The following FGGY variants were observed in gnomAD, a reference collection of about 807,000 sequenced individuals.
The protein encoded by FGGY is FGGY carbohydrate kinase domain containing, also known as FGGY carbohydrate kinase domain-containing protein.
In FGGY, 72 loss-of-function variants were observed where a neutral mutation model predicts 71.3. That is an observed-to-expected ratio of 1.01 (90% CI 0.84 to 1.23). The LOEUF (loss-of-function observed/expected upper bound fraction) is 1.23, where lower values mean the gene tolerates loss of function less well. Ranked by LOEUF, FGGY falls within the 50% of genes most tolerant of loss-of-function variation. The pLI is 0.00. For missense variants in FGGY, 668 were observed against 682.3 expected, an observed-to-expected ratio of 0.98 and a Z score of 0.23; for synonymous variants, 251 against 250.3, an observed-to-expected ratio of 1.00 and a Z score of -0.02.
At chr1:59,612,031 C>T (rs972506474) in intron 9 of FGGY, among the ~76,000 whole-genome samples, 1 of 152,136 alleles carries the variant, frequency 6.6e-6, no homozygotes, top group Non-Finnish European at 1.5e-5. Flanking sequence ...GATTAGTGTA[C>T]CTGAAAGTGA....
At chr1:59,317,452 T>C (rs2045651006) in intron 1 of FGGY, among the ~76,000 whole-genome samples, 1 of 152,248 alleles carries the variant, frequency 6.6e-6, no homozygotes, top group South Asian at 2.1e-4. Flanking sequence ...TGATGATCCT[T>C]ATCCTTGTTT....
chr1:59,701,198 G>GCCCCA (rs2097706794), intron 14 of FGGY, among the ~76,000 whole-genome samples: 1 of 152,126 alleles, frequency 6.6e-6, no homozygotes, highest in South Asian at 2.1e-4. Context: ...TATACCCATA[G>GCCCCA]CCCCACACAT....
chr1:59,650,945 G>C (rs551667640), intron 11 of FGGY, among the ~76,000 whole-genome samples: 1 of 151,150 alleles, frequency 6.6e-6, no homozygotes, highest in Non-Finnish European at 1.5e-5. Flanking sequence ...ATTCTGGTAC[G>C]TTGTGTCTTT....
At position 59,461,740 on chromosome 1, in the gene FGGY, A is replaced by G. The variant is rs920507056; in HGVS notation, c.670+4664A>G. On this transcript the variant is annotated intron_variant, in intron 6 of 15. Transcript: ENST00000303721. Reference sequence around the variant, plus strand: ...TCTCTCAGCAGAAACTCTACCAGCCAGAAGAGAGTGGAGGCCAATATTCAA... The same window carrying G: ...TCTCTCAGCAGAAACTCTACCAGCCGGAAGAGAGTGGAGGCCAATATTCAA... 2.6e-5 allele frequency among the ~76,000 whole-genome samples: 4 copies of G among 152,188 alleles called. No individual in the cohort carries two copies. In the South Asian group the frequency reaches 8.3e-4, roughly 32 times the overall value.
intron 8 of FGGY, among the ~76,000 whole-genome samples, chr1:59,560,612 C>G (rs1248754045): frequency 6.6e-6 from 1 of 152,048 alleles, no homozygotes; most frequent in Non-Finnish European, 1.5e-5. Flanking sequence ...TATTCATTAA[C>G]TATTCACTCA....
chr1:59,622,880 G>A (rs1180402434), intron 9 of FGGY, among the ~76,000 whole-genome samples: 2 of 152,134 alleles, frequency 1.3e-5, no homozygotes, highest in Admixed American at 1.3e-4. Flanking sequence ...TTTCTACCTG[G>A]TTTTGGCCAC....
chr1:59,660,484 C>G (rs1396364855), intron 12 of FGGY, 191 bp downstream of exon 12: 1 of 421,872 alleles, frequency 2.4e-6, no homozygotes, highest in Non-Finnish European at 4.2e-6. Flanking sequence ...AACTAATAAC[C>G]TCACATAACA....
chr1:59,367,514 G>A (rs1003181485), intron 4 of FGGY, among the ~76,000 whole-genome samples: 2 of 152,350 alleles, frequency 1.3e-5, no homozygotes, highest in African/African-American at 4.8e-5. Context: ...TTAGGGAGCT[G>A]TTCCCTCCCT....
intron 14 of FGGY, among the ~76,000 whole-genome samples, chr1:59,696,778 T>C (rs1422605582): frequency 6.6e-6 from 1 of 152,220 alleles, no homozygotes; most frequent in East Asian, 1.9e-4. Flanking sequence ...AATGTGTACC[T>C]AAGAGTGTAG....
chr1:59,564,226 A>G (rs1286618117), intron 8 of FGGY, among the ~76,000 whole-genome samples: 1 of 152,218 alleles, frequency 6.6e-6, no homozygotes, highest in Non-Finnish European at 1.5e-5. Context: ...TGCACAGTCA[A>G]AAAAGCTGTC....
chr1:59,603,988 A>T (rs2096600598), intron 8 of FGGY, among the ~76,000 whole-genome samples: 1 of 152,228 alleles, frequency 6.6e-6, no homozygotes, highest in South Asian at 2.1e-4. Flanking sequence ...CAGTCTACAT[A>T]TCTGTACAAT....
In FGGY at chr1:59,573,325, T is replaced by G. The variant is rs538493779; in HGVS notation, c.903+19098T>G. Among the ~76,000 whole-genome samples the G allele has an allele frequency of 4.5e-4, 69 of 152,292 alleles. 3 individuals carry two copies. In the South Asian group the frequency reaches 0.013, roughly 29 times the overall value. ...TCCTGATAATTGTATTATGGATATA[T>G]AAGAGAATATCCTTGTTATTATAAA... On this transcript the variant is annotated intron_variant, in intron 8 of 15. Transcript: ENST00000303721.
chr1:59,389,864 A>G (rs2060498006), intron 5 of FGGY, among the ~76,000 whole-genome samples: 1 of 152,208 alleles, frequency 6.6e-6, no homozygotes, highest in Non-Finnish European at 1.5e-5. Context: ...AGTAAAATTG[A>G]TTGAATTTAT....
At chr1:59,577,635 T>C (rs1414099148) in intron 8 of FGGY, among the ~76,000 whole-genome samples, 2 of 152,244 alleles carry the variant, frequency 1.3e-5, no homozygotes, top group Admixed American at 6.5e-5. Context: ...GAGAGGTTGG[T>C]TATCAAAAAA....
chr1:59,369,656 G>A (rs1251312651), intron 4 of FGGY, among the ~76,000 whole-genome samples: 6 of 152,248 alleles, frequency 3.9e-5, no homozygotes, highest in Non-Finnish European at 7.4e-5. Context: ...TAACTGGGAG[G>A]CACCCCCCAG....
intron 5 of FGGY, among the ~76,000 whole-genome samples, chr1:59,439,800 C>T (rs370349161): frequency 6.6e-6 from 1 of 152,110 alleles, no homozygotes; most frequent in Non-Finnish European, 1.5e-5. Flanking sequence ...CCTTTTTGTT[C>T]TATATTTCCA....
chr1:59,745,917 G>A (rs1176051995), intron 14 of FGGY, among the ~76,000 whole-genome samples: 8 of 152,236 alleles, frequency 5.3e-5, no homozygotes. Flanking sequence ...AATTCAGAAA[G>A]TGGCTGTTGG....
intron 5 of FGGY, among the ~76,000 whole-genome samples, chr1:59,437,938 G>C (rs912617177): frequency 6.6e-6 from 1 of 152,180 alleles, no homozygotes; most frequent in Non-Finnish European, 1.5e-5. Context: ...TTTAATGAGA[G>C]ATTATCCATA....
chr1:59,406,384 G>C (rs1557823913), intron 5 of FGGY, among the ~76,000 whole-genome samples: 3 of 151,894 alleles, frequency 2.0e-5, no homozygotes, highest in African/African-American at 2.4e-5. Context: ...TGTGCTTTTT[G>C]TTGGCGATTT....
Sources: allele counts gnomAD v4.1 joint callset (sites outside exome capture counted in the v4.1 genomes callset), GRCh38; gene constraint gnomAD v4.1.1; transcripts MANE v1.5; gene names NCBI Gene and HGNC (gene_info 2026-07-23, HGNC 2026-07-21).